Variants in ARHGAP44 observed in about 807,000 individuals in gnomAD.
ARHGAP44 encodes Rho GTPase activating protein 44.
Under a neutral mutation model 106.8 loss-of-function variants are expected in ARHGAP44, and 43 were observed. That is an observed-to-expected ratio of 0.40 (90% CI 0.32 to 0.52). ARHGAP44 has a LOEUF of 0.52. Ranked by LOEUF, ARHGAP44 falls within the 20% of genes least tolerant of loss-of-function variation. The pLI is 0.48. For synonymous variants in ARHGAP44, 439 were observed against 410.3 expected (o/e 1.07, Z -0.85); for missense variants, 866 against 1,050.5 (o/e 0.82, Z 2.43).
In ARHGAP44 at chr17:12,986,946, C is replaced by G. The variant is rs193055008; in HGVS notation, c.2317+2038C>G. ...CAGCAGACTGTTGTTTTGTCCCATACGTTCAGGTCTCTGAGCCAGTGTAGA... is the reference window on the plus strand; with the variant it reads ...CAGCAGACTGTTGTTTTGTCCCATAGGTTCAGGTCTCTGAGCCAGTGTAGA... On this transcript the variant is annotated intron_variant, in intron 20 of 20. Coordinates refer to ENST00000379672, the MANE Select transcript of ARHGAP44 (RefSeq NM_014859.6). The G allele has an allele frequency of 3.4e-4, 225 of 666,932 alleles. No individual in the cohort carries two copies. The African/African-American group carries it at 3.4e-3, about 10-fold the overall frequency. The allele number at this position is 666,932 out of a possible 1,614,324, so 41.3% of individuals were successfully genotyped here.
At chr17:12,960,164 G>A (rs11871716) in intron 16 of ARHGAP44, among the ~76,000 whole-genome samples, 14,566 of 152,140 alleles carry the variant, frequency 0.096, 880 homozygotes, top group South Asian at 0.2. Context: ...GTTTGTGTGC[G>A]CTATGCTGGT....
intron 1 of ARHGAP44, among the ~76,000 whole-genome samples, chr17:12,834,953 G>C (rs1597909423): frequency 6.6e-6 from 1 of 152,096 alleles, no homozygotes; most frequent in Non-Finnish European, 1.5e-5. Flanking sequence ...AAGTTTAATT[G>C]CCTGTAATTA....
intron 1 of ARHGAP44, among the ~76,000 whole-genome samples, chr17:12,881,612 C>T (rs1273654288): frequency 2.6e-5 from 4 of 152,284 alleles, no homozygotes; most frequent in Non-Finnish European, 2.9e-5. Flanking sequence ...GAAGCTCCCT[C>T]AACTTATTCT....
At chr17:12,835,881 T>C (rs894534406) in intron 1 of ARHGAP44, among the ~76,000 whole-genome samples, 4 of 152,214 alleles carry the variant, frequency 2.6e-5, no homozygotes, top group Admixed American at 6.5e-5. Context: ...CCCATATAGT[T>C]GGAATCATAC....
intron 1 of ARHGAP44, among the ~76,000 whole-genome samples, chr17:12,853,401 CT>C (rs1164428740): frequency 2.6e-5 from 4 of 152,150 alleles, no homozygotes; most frequent in African/African-American, 9.7e-5. Context: ...CCCAGAGCCC[CT>C]GATCTACAGA....
chr17:12,796,297 A>G (rs1195624400), intron 1 of ARHGAP44, among the ~76,000 whole-genome samples: 1 of 152,158 alleles, frequency 6.6e-6, no homozygotes, highest in Non-Finnish European at 1.5e-5. Flanking sequence ...TGAAGGCTAT[A>G]CAGTATTCCA....
intron 1 of ARHGAP44, among the ~76,000 whole-genome samples, chr17:12,881,482 T>C (rs2036736412): frequency 6.6e-6 from 1 of 152,242 alleles, no homozygotes; most frequent in East Asian, 1.9e-4. Context: ...GTCATTTTTT[T>C]CCATTTTTGT....
intron 1 of ARHGAP44, among the ~76,000 whole-genome samples, chr17:12,849,210 T>C (rs2035663628): frequency 7.3e-6 from 1 of 137,854 alleles, no homozygotes; most frequent in Admixed American, 6.9e-5. Flanking sequence ...TAAACTGAGG[T>C]GGGCGTGTGT....
chr17:12,934,616 G>A (rs2150972602), intron 7 of ARHGAP44, among the ~76,000 whole-genome samples: 1 of 152,280 alleles, frequency 6.6e-6, no homozygotes, highest in African/African-American at 2.4e-5. Context: ...AGCTTCCACT[G>A]GTGTGGATTT....
intron 3 of ARHGAP44, among the ~76,000 whole-genome samples, chr17:12,908,145 A>C (rs915900747): frequency 2.7e-5 from 4 of 147,896 alleles, no homozygotes; most frequent in Admixed American, 1.3e-4. Flanking sequence ...TTATAATTGC[A>C]TGTGAACACT....
chr17:12,936,405 C>CTTTT (rs2038550834), intron 7 of ARHGAP44, among the ~76,000 whole-genome samples: 1 of 152,154 alleles, frequency 6.6e-6, no homozygotes, highest in Non-Finnish European at 1.5e-5. Context: ...TGTTTACATG[C>CTTTT]TTTTGTCTTT....
intron 20 of ARHGAP44, among the ~76,000 whole-genome samples, chr17:12,989,089 C>T (rs1414344263): frequency 9.9e-6 from 1 of 100,920 alleles, no homozygotes; most frequent in Non-Finnish European, 2.0e-5. Flanking sequence ...AAGAGCGAAA[C>T]TCCACCCCCC....
Position 12,949,029 on chromosome 17 carries a change from G to C in ARHGAP44, c.862-111G>C. On this transcript the variant is annotated intron_variant, in intron 10 of 20. Coordinates refer to ENST00000379672, the MANE Select transcript of ARHGAP44 (RefSeq NM_014859.6). The surrounding 1 kb of genome is among the most constrained non-coding windows in gnomAD (Gnocchi z 4.1). ...CTGGGGGATTGGGAGATGGTGTTGG[G>C]CAAATGCATGTAAGAGGTTTTGGAG... is the stretch of plus-strand genomic sequence containing the variant. 1 of 1,065,894 alleles carries C rather than the reference G, an allele frequency of 9.4e-7. No individual in the cohort carries two copies. Among genetic ancestry groups the C allele is most frequent in the Non-Finnish European group, 1.4e-6 (1 of 721,918 alleles). 66.0% of individuals were successfully genotyped at this position (1,065,894 alleles called of 1,614,324 possible).
At position 12,868,589 on chromosome 17, in the gene ARHGAP44, TTTTATATATATATATATATA is replaced by T. The variant is rs1443736263; in HGVS notation, c.54-26349_54-26330del. Among the ~76,000 whole-genome samples the T allele has an allele frequency of 2.2e-4, 23 of 104,932 alleles. 1 individual carries two copies. The highest frequency in any genetic ancestry group is 6.0e-4 in the South Asian group (2 of 3,316). The allele number at this position is 104,932 out of a possible 152,430, so 68.8% of individuals were successfully genotyped here. Reference sequence around the variant, plus strand: ...TCATTTAAAAAGTCATATATATGCATTTTATATATATATATATATATATATATATATATATATATATATGA... The same window carrying T: ...TCATTTAAAAAGTCATATATATGCATTATATATATATATATATATATATGA... On this transcript the variant is annotated intron_variant, in intron 1 of 20. Transcript: ENST00000379672.
At chr17:12,810,825 G>A (rs1312587962) in intron 1 of ARHGAP44, among the ~76,000 whole-genome samples, 1 of 152,116 alleles carries the variant, frequency 6.6e-6, no homozygotes, top group African/African-American at 2.4e-5. Flanking sequence ...GAGGGATTTA[G>A]GGAGACCAAC....
intron 1 of ARHGAP44, among the ~76,000 whole-genome samples, chr17:12,889,772 C>T (rs976748351): frequency 6.6e-6 from 1 of 152,168 alleles, no homozygotes; most frequent in Non-Finnish European, 1.5e-5. Flanking sequence ...CAAACTTCTT[C>T]TAGCTGTGAG....
At chr17:12,830,135 T>C (rs1481032971) in intron 1 of ARHGAP44, among the ~76,000 whole-genome samples, 1 of 152,200 alleles carries the variant, frequency 6.6e-6, no homozygotes, top group Non-Finnish European at 1.5e-5. Context: ...GATTGAAGCC[T>C]TTTTAGTAAA....
chr17:12,963,264 T>C (rs2039308355), intron 16 of ARHGAP44, among the ~76,000 whole-genome samples: 1 of 152,064 alleles, frequency 6.6e-6, no homozygotes, highest in Non-Finnish European at 1.5e-5. Flanking sequence ...GTGAGTTACT[T>C]GACCTAGTAG....
chr17:12,839,281 GC>G (rs972519310), intron 1 of ARHGAP44, among the ~76,000 whole-genome samples: 13 of 152,134 alleles, frequency 8.5e-5, no homozygotes, highest in African/African-American at 2.9e-4. Context: ...CTGTGGGCCT[GC>G]CCCTTTGAGG....
Sources: gnomAD v4.1 joint callset for allele counts (sites outside exome capture counted in the v4.1 genomes callset) on GRCh38, gnomAD v4.1.1 for gene constraint, Gnocchi (gnomAD v3.1) non-coding constraint, MANE v1.5 for transcripts, NCBI Gene and HGNC (gene_info 2026-07-23, HGNC 2026-07-21) for gene names.